Variants in STT3B observed in about 807,000 individuals in gnomAD.
The protein encoded by STT3B is STT3 oligosaccharyltransferase complex catalytic subunit B, also known as dolichyl-diphosphooligosaccharide--protein glycosyltransferase subunit STT3B.
A neutral mutation model predicts 96.8 loss-of-function variants in STT3B; 29 were observed. The ratio of observed to expected loss-of-function variants is 0.30; its 90% CI spans 0.22 to 0.41. The LOEUF (loss-of-function observed/expected upper bound fraction) is 0.41. STT3B is among the 10% of genes least tolerant of loss of function. STT3B has a pLI of 1.00. For missense variants in STT3B, 640 were observed against 1,022.3 expected, an observed-to-expected ratio of 0.63 and a Z score of 5.10; for synonymous variants, 367 against 360.0, an observed-to-expected ratio of 1.02 and a Z score of -0.22.
Position 31,533,075 on chromosome 3 carries a change from TG to T in STT3B, c.80del (p.Gly27GlufsTer97). 6.5e-7 allele frequency: 1 copy of T among 1,549,426 alleles called. No homozygotes were observed. Among genetic ancestry groups the T allele is most frequent in the Admixed American group, 1.9e-5 (1 of 51,390 alleles). On this transcript the variant is annotated frameshift_variant, in exon 1 of 16. Transcript: ENST00000295770. LOFTEE classifies it high-confidence loss of function. Reference sequence around the variant, plus strand: ...TCCCCGTGGAGTGGCCTCATGGCCCTGGGAAACAGCCGGCACGGCCACCACG... The same window carrying T: ...TCCCCGTGGAGTGGCCTCATGGCCCTGGAAACAGCCGGCACGGCCACCACG... Reference protein sequence around the residue: ...NSSPWSGLMALGNSRHGHHGP... With the variant: ...NSSPWSGLMAXGNSRHGHHGP...
At chr3:31,554,610 C>T (rs1697646147) in intron 1 of STT3B, among the ~76,000 whole-genome samples, 1 of 152,046 alleles carries the variant, frequency 6.6e-6, no homozygotes, top group South Asian at 2.1e-4. Flanking sequence ...TTTTTCAGTG[C>T]TGGTGAGTTT....
intron 1 of STT3B, among the ~76,000 whole-genome samples, chr3:31,566,361 T>C (rs1191984771): frequency 1.3e-5 from 2 of 152,200 alleles, no homozygotes; most frequent in African/African-American, 4.8e-5. Flanking sequence ...TTTGGACAAC[T>C]TATGTTACAT....
intron 3 of STT3B, among the ~76,000 whole-genome samples, chr3:31,588,096 C>T (rs77393412): frequency 0.026 from 3,974 of 152,162 alleles, 177 homozygotes; most frequent in African/African-American, 0.091. Flanking sequence ...CATTCTCTTG[C>T]AGCTTTCCAC....
chr3:31,623,030 T>G (rs1355079553), intron 10 of STT3B, among the ~76,000 whole-genome samples: 1 of 152,202 alleles, frequency 6.6e-6, no homozygotes, highest in Non-Finnish European at 1.5e-5. Context: ...AGATGTGTGT[T>G]AATAAACCCA....
At chr3:31,571,363 C>T (rs1425274170) in intron 1 of STT3B, among the ~76,000 whole-genome samples, 3 of 151,214 alleles carry the variant, frequency 2.0e-5, no homozygotes, top group African/African-American at 4.9e-5. Context: ...TGGTGAAGCA[C>T]TAAGTATCCA....
At chr3:31,606,776 C>A (rs1450165520) in intron 5 of STT3B, among the ~76,000 whole-genome samples, 2 of 152,320 alleles carry the variant, frequency 1.3e-5, no homozygotes, top group East Asian at 3.9e-4. Context: ...GAGAAGAGAG[C>A]TACCGTCTTC....
chr3:31,549,143 A>C (rs1474010106), intron 1 of STT3B, among the ~76,000 whole-genome samples: 1 of 152,188 alleles, frequency 6.6e-6, no homozygotes, highest in African/African-American at 2.4e-5. Context: ...AAGTAACTTT[A>C]CCAAAGTCGT....
intron 1 of STT3B, among the ~76,000 whole-genome samples, chr3:31,537,679 A>G (rs1317362801): frequency 6.6e-6 from 1 of 152,110 alleles, no homozygotes; most frequent in Non-Finnish European, 1.5e-5. Flanking sequence ...CCTTACTGCC[A>G]TGAGTAGTTT....
At chr3:31,574,590 A>G (rs56336260) in intron 1 of STT3B, among the ~76,000 whole-genome samples, 8,192 of 152,156 alleles carry the variant, frequency 0.054, 747 homozygotes, top group African/African-American at 0.19. Context: ...GATCTGGTAA[A>G]TACTTCTTGG....
Position 31,533,010 on chromosome 3 carries a change from C to T in STT3B, c.12C>T (p.Pro4=), listed in dbSNP as rs959736854. The T allele has an allele frequency of 4.4e-6, 7 of 1,589,336 alleles. No individual in the cohort carries two copies. The African/African-American group carries it at 5.6e-5, about 13-fold the overall frequency. The part of the protein sequence containing the change: MAE[P]SAPESKHKSS... Reference sequence around the variant, plus strand: ...CGCCGGGGCACAACATGGCGGAGCCCTCGGCCCCGGAGAGCAAGCACAAGT... The same window carrying T: ...CGCCGGGGCACAACATGGCGGAGCCTTCGGCCCCGGAGAGCAAGCACAAGT... The change falls in exon 1 of 16, where the codon CCC becomes CCT. Residue 4 remains proline, a synonymous_variant. Transcript: ENST00000295770.
At position 31,619,608 on chromosome 3, in the gene STT3B, T is replaced by A; in HGVS notation, c.1173-68T>A. The A allele has an allele frequency of 7.4e-6, 10 of 1,351,904 alleles. No homozygotes were observed. The African/African-American group carries it at 1.0e-4, about 14-fold the overall frequency. 83.7% of individuals were successfully genotyped at this position (1,351,904 alleles called of 1,614,324 possible). ...TACCATTTCTACAACCAAACAAGAT[T>A]TCTTCATCTAAAAGGAACTCCTGTT... On this transcript the variant is annotated intron_variant, in intron 8 of 15. Coordinates refer to ENST00000295770, the MANE Select transcript of STT3B (RefSeq NM_178862.3).
intron 1 of STT3B, among the ~76,000 whole-genome samples, chr3:31,548,734 TC>T (rs1375924072): frequency 1.3e-5 from 2 of 152,036 alleles, no homozygotes; most frequent in Non-Finnish European, 1.5e-5. Context: ...TGAAGAACCT[TC>T]CCCCCTTTGA....
intron 3 of STT3B, among the ~76,000 whole-genome samples, chr3:31,594,699 CATG>C (rs1300963899): frequency 6.6e-6 from 1 of 152,198 alleles, no homozygotes; most frequent in Non-Finnish European, 1.5e-5. Flanking sequence ...GAATTACAGG[CATG>C]AGCCACTGGG....
chr3:31,579,723 C>A, intron 2 of STT3B, 86 bp from the exon 3 acceptor site: 1 of 986,034 alleles, frequency 1.0e-6, no homozygotes, highest in Non-Finnish European at 1.3e-6. Context: ...GTAAGGTAAA[C>A]AAAATGTAAT....
intron 1 of STT3B, among the ~76,000 whole-genome samples, chr3:31,568,547 C>T (rs1698065270): frequency 6.6e-6 from 1 of 152,136 alleles, no homozygotes; most frequent in Non-Finnish European, 1.5e-5. Flanking sequence ...TGAATACAAA[C>T]CATTTTAACT....
chr3:31,533,387 C>G, intron 1 of STT3B, 75 bp downstream of exon 1: 5 of 1,371,384 alleles, frequency 3.6e-6, no homozygotes, highest in Non-Finnish European at 2.8e-6. Flanking sequence ...CGCCGCAGCT[C>G]TCCTCGACTT....
In STT3B at chr3:31,614,949, A is replaced by G. The variant is rs570200105; in HGVS notation, c.878-156A>G. 6.6e-5 allele frequency among the ~76,000 whole-genome samples: 10 copies of G among 151,978 alleles called. No homozygotes were observed. The East Asian group carries it at 1.9e-3, about 29-fold the overall frequency. On this transcript the variant is annotated intron_variant, in intron 5 of 15. Coordinates refer to ENST00000295770, the MANE Select transcript of STT3B (RefSeq NM_178862.3). Reference sequence around the variant, plus strand: ...ATAGAATATTCAGAATCTGTAACATATGGTTAACAAATGGACATCTAATAA... The same window carrying G: ...ATAGAATATTCAGAATCTGTAACATGTGGTTAACAAATGGACATCTAATAA...
At position 31,533,305 on chromosome 3, in the gene STT3B, G is replaced by A; in HGVS notation, c.307G>A (p.Asp103Asn). ...IRFESIIHEF[D>N]PWFNYRSTHH... ...CTTCGAAAGCATCATCCACGAGTTC[G>A]ACCCGTGGTAAGTGCCTCGCCGCCC... Residue 103 changes from aspartate to asparagine, a missense_variant, in exon 1 of 16, where the codon GAC becomes AAC. Physicochemically the swap from Asp to Asn is conservative, Grantham distance 23. This residue lies in a region of STT3B where 267 missense variants were observed against 388.3 expected (regional missense o/e 0.69). Transcript: ENST00000295770. 1 of 1,532,972 alleles carries A rather than the reference G, an allele frequency of 6.5e-7. No homozygotes were observed. The highest frequency in any genetic ancestry group is 1.9e-5 in the Admixed American group (1 of 51,380). 95.0% of individuals were successfully genotyped at this position (1,532,972 alleles called of 1,614,324 possible). A position where few individuals can be genotyped will look rare whatever the true frequency, so the allele number is the denominator to read the frequency against.
intron 8 of STT3B, among the ~76,000 whole-genome samples, chr3:31,618,685 G>A (rs1699364174): frequency 6.6e-6 from 1 of 151,956 alleles, no homozygotes; most frequent in South Asian, 2.1e-4. Context: ...GATACCAGAA[G>A]GACTTGTGTC....
Sources: allele counts gnomAD v4.1 joint callset (sites outside exome capture counted in the v4.1 genomes callset), GRCh38; gene constraint gnomAD v4.1.1; regional missense constraint gnomAD v4.1.1; transcripts MANE v1.5; gene names NCBI Gene and HGNC (gene_info 2026-07-23, HGNC 2026-07-21).